Variants in LTBP1 observed in about 807,000 individuals in gnomAD.
The protein encoded by LTBP1 is latent transforming growth factor beta binding protein 1, also known as latent-transforming growth factor beta-binding protein 1.
A neutral mutation model predicts 207.6 loss-of-function variants in LTBP1; 129 were observed. The observed-to-expected ratio is 0.62, with a 90% confidence interval of 0.54 to 0.72. The LOEUF (loss-of-function observed/expected upper bound fraction) is 0.72, where lower values mean the gene tolerates loss of function less well. Among genes scored for constraint, LTBP1 ranks in the 30% least tolerant of loss-of-function variants. LTBP1 has a pLI of 0.00. For missense variants in LTBP1, 2,281 were observed against 2,217.2 expected, an observed-to-expected ratio of 1.03 and a Z score of -0.58; for synonymous variants, 963 against 833.7, an observed-to-expected ratio of 1.16 and a Z score of -2.67.
At chr2:33,017,245 A>G (rs1434095833) in intron 2 of LTBP1, among the ~76,000 whole-genome samples, 1 of 152,254 alleles carries the variant, frequency 6.6e-6, no homozygotes, top group Non-Finnish European at 1.5e-5. Flanking sequence ...TATCATAGCC[A>G]AGAATTCAGT....
At chr2:33,166,540 G>A (rs963210658) in intron 5 of LTBP1, among the ~76,000 whole-genome samples, 6 of 152,134 alleles carry the variant, frequency 3.9e-5, no homozygotes, top group African/African-American at 7.2e-5. Flanking sequence ...GAGTATTAGC[G>A]TGTACACAAG....
intron 19 of LTBP1, among the ~76,000 whole-genome samples, chr2:33,280,701 A>G (rs139766509): frequency 1.3e-5 from 2 of 152,312 alleles, no homozygotes; most frequent in African/African-American, 4.8e-5. Flanking sequence ...TCCACTCCAT[A>G]CCAAAACTCT....
chr2:32,975,406 A>C (rs575308574), intron 2 of LTBP1, among the ~76,000 whole-genome samples: 6 of 151,970 alleles, frequency 3.9e-5, no homozygotes, highest in Non-Finnish European at 7.4e-5. Context: ...GTATTTCCTG[A>C]ATTTGAATGT....
chr2:33,318,011 A>G (rs113850373), intron 24 of LTBP1: 3 of 152,296 alleles, frequency 2.0e-5, no homozygotes, highest in South Asian at 2.1e-4. Context: ...AGCACTCCAC[A>G]TTCTAAAACT....
At chr2:33,354,847 C>G (rs2094836890) in intron 26 of LTBP1, among the ~76,000 whole-genome samples, 1 of 151,980 alleles carries the variant, frequency 6.6e-6, no homozygotes, top group African/African-American at 2.4e-5. Context: ...CTTAAGTGAT[C>G]CTCCCACCTC....
At chr2:33,269,246 T>C (rs2093260826) in intron 15 of LTBP1, among the ~76,000 whole-genome samples, 1 of 152,216 alleles carries the variant, frequency 6.6e-6, no homozygotes, top group Admixed American at 6.5e-5. Flanking sequence ...AATACCACAC[T>C]GTTAAATCTA....
At chr2:33,209,996 G>A (rs1467668607) in intron 7 of LTBP1, among the ~76,000 whole-genome samples, 1 of 152,240 alleles carries the variant, frequency 6.6e-6, no homozygotes, top group Non-Finnish European at 1.5e-5. Context: ...TTGGTAAAGT[G>A]AAGATGTGAA....
intron 26 of LTBP1, among the ~76,000 whole-genome samples, chr2:33,350,987 T>A (rs2094773799): frequency 1.3e-5 from 2 of 152,112 alleles, no homozygotes; most frequent in South Asian, 4.1e-4. Context: ...ATGAAAAATA[T>A]ATATATATTA....
intron 5 of LTBP1, among the ~76,000 whole-genome samples, chr2:33,150,704 C>CTTTTTTTTT (rs1211013076): frequency 9.2e-6 from 1 of 108,840 alleles, no homozygotes; most frequent in African/African-American, 3.5e-5. Context: ...TTTCTTTTTT[C>CTTTTTTTTT]TTTTTCTTTT....
chr2:32,961,309 CT>C lies in LTBP1; in HGVS notation c.565+12365del, dbSNP rs765684385. 1.2e-3 allele frequency among the ~76,000 whole-genome samples: 182 copies of C among 152,296 alleles called. 1 individual carries two copies. The highest frequency in any genetic ancestry group is 1.7e-3 in the Non-Finnish European group (116 of 68,020). On this transcript the variant is annotated intron_variant, in intron 2 of 33. Coordinates refer to ENST00000404816, the MANE Select transcript of LTBP1 (RefSeq NM_206943.4). ...AGACCCTCAGCAGGGAGCTGCGAGG[CT>C]GCGGTTTAGGATGAAAGTGTGAGGG...
intron 3 of LTBP1, among the ~76,000 whole-genome samples, chr2:33,040,547 G>A (rs754663577): frequency 3.3e-5 from 5 of 152,126 alleles, no homozygotes; most frequent in Non-Finnish European, 5.9e-5. Context: ...TGGTAAACAC[G>A]TTCATCTACT....
At chr2:32,960,312 T>C (rs1216930186) in intron 2 of LTBP1, among the ~76,000 whole-genome samples, 1 of 152,188 alleles carries the variant, frequency 6.6e-6, no homozygotes, top group African/African-American at 2.4e-5. Flanking sequence ...CTGGCATTGC[T>C]GCTTGAATGT....
chr2:33,316,033 A>T (rs1440621892), intron 24 of LTBP1, among the ~76,000 whole-genome samples: 1 of 152,230 alleles, frequency 6.6e-6, no homozygotes, highest in South Asian at 2.1e-4. Flanking sequence ...CCAAGGCAGT[A>T]TATTTACTTA....
intron 5 of LTBP1, among the ~76,000 whole-genome samples, chr2:33,137,406 C>CT (rs1245749431): frequency 7.2e-5 from 11 of 152,146 alleles, no homozygotes; most frequent in Admixed American, 7.2e-4. Context: ...CTGGCAAACT[C>CT]TTTTTGTAAA....
chr2:33,181,761 C>A (rs554785677), intron 5 of LTBP1, among the ~76,000 whole-genome samples: 1 of 152,324 alleles, frequency 6.6e-6, no homozygotes, highest in South Asian at 2.1e-4. Context: ...GTACCACAAG[C>A]ATCTCAAGTC....
At chr2:33,369,962 G>C (rs911021264) in intron 31 of LTBP1, among the ~76,000 whole-genome samples, 3 of 152,204 alleles carry the variant, frequency 2.0e-5, no homozygotes, top group Non-Finnish European at 4.4e-5. Flanking sequence ...GGAGCCCCAG[G>C]GCATCAGGGT....
rs745445793 is a variant in LTBP1, at chr2:33,341,729, A to AAAATAT, written c.3731-1108_3731-1107insAATATA. On this transcript the variant is annotated intron_variant, in intron 24 of 33. Coordinates refer to ENST00000404816, the MANE Select transcript of LTBP1 (RefSeq NM_206943.4). ...CCGTCTCACTCAAAAAAAAAAAAAA[A>AAAATAT]ATATATATATATATATGTATATTTA... 2.1e-3 allele frequency among the ~76,000 whole-genome samples: 192 copies of AAAATAT among 93,618 alleles called. 1 individual carries two copies. The highest frequency in any genetic ancestry group is 5.8e-3 in the Middle Eastern group (1 of 172). The allele number at this position is 93,618 out of a possible 152,430, so 61.4% of individuals were successfully genotyped here.
At chr2:32,964,895 C>G (rs1484563345) in intron 2 of LTBP1, among the ~76,000 whole-genome samples, 4 of 151,934 alleles carry the variant, frequency 2.6e-5, no homozygotes, top group African/African-American at 9.7e-5. Flanking sequence ...TAAAAATTAG[C>G]TGGGTGTGGT....
intron 10 of LTBP1, among the ~76,000 whole-genome samples, chr2:33,245,495 C>G (rs974879377): frequency 6.6e-6 from 1 of 152,216 alleles, no homozygotes; most frequent in African/African-American, 2.4e-5. Context: ...AAGTTTTACA[C>G]GTAAGTCCTC....
Sources: gnomAD v4.1 joint callset for allele counts (sites outside exome capture counted in the v4.1 genomes callset) on GRCh38, gnomAD v4.1.1 for gene constraint, MANE v1.5 for transcripts, NCBI Gene and HGNC (gene_info 2026-07-23, HGNC 2026-07-21) for gene names.